The following RNF150 variants were observed in gnomAD, a reference collection of about 807,000 sequenced individuals.
RNF150 encodes ring finger protein 150.
Under a neutral mutation model 39.3 loss-of-function variants are expected in RNF150, and 24 were observed. The observed-to-expected ratio is 0.61, with a 90% confidence interval of 0.44 to 0.86. RNF150 has a LOEUF of 0.86. RNF150 is among the 40% of genes least tolerant of loss of function. RNF150 has a pLI of 0.00. For missense variants in RNF150, 502 were observed against 587.8 expected, an observed-to-expected ratio of 0.85 and a Z score of 1.51; for synonymous variants, 255 against 227.3, an observed-to-expected ratio of 1.12 and a Z score of -1.10.
At chr4:141,150,177 A>G (rs554329926) in intron 1 of RNF150, among the ~76,000 whole-genome samples, 2 of 152,358 alleles carry the variant, frequency 1.3e-5, no homozygotes, top group East Asian at 3.9e-4. Context: ...ATCACAAAAT[A>G]GTCCAAAAGG....
chr4:141,189,085 G>T (rs1728062568), intron 1 of RNF150, among the ~76,000 whole-genome samples: 1 of 152,158 alleles, frequency 6.6e-6, no homozygotes. Context: ...CCTTTTTGTT[G>T]ATGTTGATGC....
At chr4:141,073,998 C>A (rs1350878836) in intron 1 of RNF150, among the ~76,000 whole-genome samples, 1 of 151,792 alleles carries the variant, frequency 6.6e-6, no homozygotes, top group African/African-American at 2.4e-5. Flanking sequence ...CCTGAGACTC[C>A]CCCATCCTGG....
At chr4:141,124,244 G>A (rs942614169) in intron 1 of RNF150, among the ~76,000 whole-genome samples, 7 of 152,192 alleles carry the variant, frequency 4.6e-5, no homozygotes, top group South Asian at 2.1e-4. Context: ...ACTACTTTCT[G>A]ATGCCAGGGC....
chr4:140,908,411 T>C (rs939059619), intron 6 of RNF150, among the ~76,000 whole-genome samples: 1 of 152,134 alleles, frequency 6.6e-6, no homozygotes, highest in Non-Finnish European at 1.5e-5. Context: ...AAATATTTCG[T>C]GAGAAAATTT....
chr4:141,098,306 G>A (rs898025868), intron 1 of RNF150, among the ~76,000 whole-genome samples: 7 of 152,066 alleles, frequency 4.6e-5, no homozygotes, highest in South Asian at 2.1e-4. Flanking sequence ...TCCAGCTCTC[G>A]GCCTCTGCCC....
intron 1 of RNF150, among the ~76,000 whole-genome samples, chr4:141,095,927 CAT>C (rs146582414): frequency 0.36 from 55,000 of 151,758 alleles, 11,869 homozygotes; most frequent in Non-Finnish European, 0.48. Flanking sequence ...TTAAACTTCA[CAT>C]GTTACATAAA....
intron 1 of RNF150, among the ~76,000 whole-genome samples, chr4:140,977,435 G>A (rs1309744309): frequency 1.3e-5 from 2 of 152,072 alleles, no homozygotes; most frequent in Non-Finnish European, 2.9e-5. Context: ...TCCATGAGAC[G>A]AAAATTCCAA....
Position 141,132,902 on chromosome 4 carries a change from C to A in RNF150, c.-94G>T. On this transcript the variant is annotated 5_prime_UTR_variant, in exon 1 of 7. It adds an upstream start codon to the 5' untranslated region. Coordinates refer to ENST00000515673, the MANE Select transcript of RNF150 (RefSeq NM_020724.2). This position sits in a 1 kb window ranked among gnomAD's most constrained non-coding sequence, Gnocchi z 4.9. ...GGCCAACCCCGGGCCGCTGCCTCTCCTCCTGCTGCTGCTCACTCCCGGGCC... is the reference window on the plus strand; with the variant it reads ...GGCCAACCCCGGGCCGCTGCCTCTCATCCTGCTGCTGCTCACTCCCGGGCC... 1 of 1,042,652 alleles carries A rather than the reference C, an allele frequency of 9.6e-7. No individual in the cohort carries two copies. The highest frequency in any genetic ancestry group is 1.4e-6 in the Non-Finnish European group (1 of 703,194). The allele number at this position is 1,042,652 out of a possible 1,614,324, so 64.6% of individuals were successfully genotyped here.
intron 4 of RNF150, among the ~76,000 whole-genome samples, 177 bp from the exon 5 acceptor site, chr4:140,926,250 C>T (rs774456795): frequency 6.6e-6 from 1 of 152,134 alleles, no homozygotes; most frequent in Non-Finnish European, 1.5e-5. Context: ...GTGATATAGT[C>T]AAAATCTGTC....
intron 1 of RNF150, among the ~76,000 whole-genome samples, chr4:141,197,680 C>T (rs1728222387): frequency 6.6e-6 from 1 of 151,994 alleles, no homozygotes; most frequent in African/African-American, 2.4e-5. Context: ...AGATCGAGAC[C>T]ATCCTGGCTA....
At chr4:141,034,754 A>G (rs1372454663) in intron 1 of RNF150, among the ~76,000 whole-genome samples, 1 of 152,170 alleles carries the variant, frequency 6.6e-6, no homozygotes, top group Non-Finnish European at 1.5e-5. Flanking sequence ...TGGCTAGTCA[A>G]TAGAGCAGTC....
At chr4:140,905,145 G>A (rs1730327996) in intron 6 of RNF150, among the ~76,000 whole-genome samples, 1 of 152,166 alleles carries the variant, frequency 6.6e-6, no homozygotes, top group South Asian at 2.1e-4. Flanking sequence ...TCTCTGTGCT[G>A]CAGCTTCAGC....
At chr4:140,899,956 C>T (rs1326512931) in intron 6 of RNF150, among the ~76,000 whole-genome samples, 6 of 114,392 alleles carry the variant, frequency 5.2e-5, no homozygotes, top group Admixed American at 9.3e-5. Flanking sequence ...CTCTCTCTCT[C>T]TCTCTCTCTC....
At chr4:141,185,221 G>C (rs1727982933) in intron 1 of RNF150, among the ~76,000 whole-genome samples, 1 of 152,100 alleles carries the variant, frequency 6.6e-6, no homozygotes. Context: ...GTGGTTTGCA[G>C]TTTTCCTTGA....
At chr4:141,083,770 C>T (rs28529555) in intron 1 of RNF150, among the ~76,000 whole-genome samples, 40,665 of 151,972 alleles carry the variant, frequency 0.27, 6,278 homozygotes, top group East Asian at 0.75. Context: ...CACAAAGCTA[C>T]GTGGTTCAAA....
At chr4:141,112,413 C>T (rs1739413899) in intron 1 of RNF150, among the ~76,000 whole-genome samples, 1 of 152,138 alleles carries the variant, frequency 6.6e-6, no homozygotes, top group South Asian at 2.1e-4. Context: ...TCTTGTAATG[C>T]AGGCCTAGTG....
At chr4:141,012,807 TC>T (rs1236865508) in intron 1 of RNF150, among the ~76,000 whole-genome samples, 1 of 65,110 alleles carries the variant, frequency 1.5e-5, no homozygotes, top group Non-Finnish European at 3.5e-5. Context: ...AAAAAAGGCA[TC>T]CCCTACTGAA....
chr4:140,874,347 G>A (rs1729063796), intron 6 of RNF150, among the ~76,000 whole-genome samples: 1 of 152,070 alleles, frequency 6.6e-6, no homozygotes. Flanking sequence ...TATATCCAGG[G>A]CCTTTATCAA....
intron 6 of RNF150, among the ~76,000 whole-genome samples, chr4:140,899,930 TTC>T (rs1364492685): frequency 9.4e-6 from 1 of 106,226 alleles, no homozygotes; most frequent in East Asian, 4.6e-4. Context: ...TCCTAGTAGG[TTC>T]TCTCTCTCAC....
Sources: gnomAD v4.1 joint callset for allele counts (sites outside exome capture counted in the v4.1 genomes callset) on GRCh38, gnomAD v4.1.1 for gene constraint, Gnocchi (gnomAD v3.1) non-coding constraint, MANE v1.5 for transcripts, NCBI Gene and HGNC (gene_info 2026-07-23, HGNC 2026-07-21) for gene names.